The following OSBPL1A variants were observed in gnomAD, a reference collection of about 807,000 sequenced individuals.
OSBPL1A encodes oxysterol binding protein like 1A.
A neutral mutation model predicts 137.1 loss-of-function variants in OSBPL1A; 80 were observed. That is an observed-to-expected ratio of 0.58 (90% CI 0.49 to 0.70). OSBPL1A has a LOEUF of 0.70. Among genes scored for constraint, OSBPL1A ranks in the 30% least tolerant of loss-of-function variants. The pLI is 0.00. For missense variants in OSBPL1A, 970 were observed against 1,129.4 expected, an observed-to-expected ratio of 0.86 and a Z score of 2.02; for synonymous variants, 365 against 389.7, an observed-to-expected ratio of 0.94 and a Z score of 0.75.
intron 4 of OSBPL1A, among the ~76,000 whole-genome samples, chr18:24,351,347 C>CAAAAAAA (rs1172514692): frequency 0.011 from 410 of 35,726 alleles, 28 homozygotes; most frequent in African/African-American, 0.031. Flanking sequence ...GACTCTGTCT[C>CAAAAAAA]AAAAAAAAAA....
intron 4 of OSBPL1A, among the ~76,000 whole-genome samples, chr18:24,354,228 A>G (rs530095971): frequency 6.6e-6 from 1 of 152,268 alleles, no homozygotes; most frequent in South Asian, 2.1e-4. Flanking sequence ...CCCTTAAGCA[A>G]GGACACAGAA....
chr18:24,309,105 ATGTAAATAGCCACATG>A (rs1277548115), intron 13 of OSBPL1A, among the ~76,000 whole-genome samples: 2 of 152,188 alleles, frequency 1.3e-5, no homozygotes, highest in African/African-American at 2.4e-5. Flanking sequence ...ATTAATTTAA[ATGTAAATAGCCACATG>A]TGTAAATAGC....
intron 15 of OSBPL1A, among the ~76,000 whole-genome samples, chr18:24,261,190 A>G (rs1432497059): frequency 6.6e-6 from 1 of 152,202 alleles, no homozygotes; most frequent in Non-Finnish European, 1.5e-5. Context: ...TTACTATAAA[A>G]TTTTAGAAAA....
chr18:24,375,777 C>T (rs1260899335), intron 2 of OSBPL1A, among the ~76,000 whole-genome samples: 1 of 152,174 alleles, frequency 6.6e-6, no homozygotes, highest in East Asian at 1.9e-4. Context: ...ATCTCCAAGA[C>T]ACACAGTAAA....
intron 4 of OSBPL1A, among the ~76,000 whole-genome samples, chr18:24,360,733 T>C (rs906611772): frequency 2.0e-5 from 3 of 152,148 alleles, no homozygotes; most frequent in African/African-American, 4.8e-5. Context: ...AGGTACTCTG[T>C]TTTCTTCTCA....
chr18:24,315,593 A>AT (rs2090705690), intron 11 of OSBPL1A, among the ~76,000 whole-genome samples: 1 of 134,544 alleles, frequency 7.4e-6, no homozygotes, highest in African/African-American at 2.8e-5. Flanking sequence ...AATCATATTA[A>AT]TATTATTATA....
At chr18:24,369,996 C>T (rs368150207) in intron 2 of OSBPL1A, among the ~76,000 whole-genome samples, 5 of 152,240 alleles carry the variant, frequency 3.3e-5, no homozygotes, top group Admixed American at 6.5e-5. Context: ...CCAAGGATGG[C>T]GGACTGCTTG....
intron 13 of OSBPL1A, among the ~76,000 whole-genome samples, chr18:24,310,432 CAAAAAAA>C (rs3039412): frequency 1.0e-4 from 9 of 89,742 alleles, no homozygotes; most frequent in African/African-American, 2.6e-4. Context: ...ACTAAAAATA[CAAAAAAA>C]AAAAAAAAAA....
At chr18:24,361,126 C>T (rs1347447187) in intron 4 of OSBPL1A, among the ~76,000 whole-genome samples, 1 of 152,116 alleles carries the variant, frequency 6.6e-6, no homozygotes. Flanking sequence ...ACTTCCTGGG[C>T]TCAAGTGATC....
At chr18:24,257,014 G>C (rs1211434577) in intron 15 of OSBPL1A, among the ~76,000 whole-genome samples, 2 of 141,740 alleles carry the variant, frequency 1.4e-5, no homozygotes, top group Non-Finnish European at 3.0e-5. Context: ...CATGTTCATG[G>C]ACTGGGAAAA....
chr18:24,340,688 C>A (rs555279313), intron 5 of OSBPL1A, among the ~76,000 whole-genome samples: 3 of 152,092 alleles, frequency 2.0e-5, no homozygotes, highest in Non-Finnish European at 4.4e-5. Context: ...TGCCTGTAAT[C>A]CCAGTTACTT....
At chr18:24,280,701 A>G in intron 15 of OSBPL1A, 141 bp downstream of exon 15, 5 of 482,724 alleles carry the variant, frequency 1.0e-5, no homozygotes, top group Non-Finnish European at 1.4e-5. Context: ...TAAGTTCTAA[A>G]TTTTTGTGAC....
At chr18:24,293,536 C>T (rs901974849) in intron 14 of OSBPL1A, among the ~76,000 whole-genome samples, 1 of 152,162 alleles carries the variant, frequency 6.6e-6, no homozygotes, top group Admixed American at 6.5e-5. Context: ...AGCAAACCAG[C>T]GCAGGAGGCC....
intron 12 of OSBPL1A, among the ~76,000 whole-genome samples, chr18:24,312,921 C>T (rs2090646905): frequency 6.9e-6 from 1 of 145,388 alleles, no homozygotes; most frequent in Non-Finnish European, 1.5e-5. Flanking sequence ...GGATCATGTT[C>T]GAGACCAGCC....
intron 1 of OSBPL1A, among the ~76,000 whole-genome samples, chr18:24,389,219 G>C (rs1244678689): frequency 2.6e-5 from 4 of 152,038 alleles, no homozygotes; most frequent in African/African-American, 9.7e-5. Flanking sequence ...TCCAAGCTCT[G>C]TTTTTAGATT....
At chr18:24,264,011 T>A (rs994184628) in intron 15 of OSBPL1A, among the ~76,000 whole-genome samples, 1 of 152,170 alleles carries the variant, frequency 6.6e-6, no homozygotes, top group Non-Finnish European at 1.5e-5. Context: ...TCAGCATATG[T>A]GAATGCACCC....
intron 4 of OSBPL1A, among the ~76,000 whole-genome samples, chr18:24,348,074 A>C (rs2091376394): frequency 6.6e-6 from 1 of 152,176 alleles, no homozygotes; most frequent in Non-Finnish European, 1.5e-5. Flanking sequence ...GTTACCTGAA[A>C]GGGTAAGTTT....
chr18:24,377,284 C>T (rs1906252602), intron 2 of OSBPL1A, 129 bp downstream of exon 2: 2 of 1,148,390 alleles, frequency 1.7e-6, no homozygotes, highest in Non-Finnish European at 2.4e-6. Flanking sequence ...TTCCTCCAAT[C>T]TGTGGGGTTC....
rs190434090 is a variant in OSBPL1A, at chr18:24,384,446, T to C, written c.-2-6911A>G. On this transcript the variant is annotated intron_variant, in intron 1 of 27. Transcript: ENST00000319481. ...AAAATTAGCCACGGGTGGTGGCACATGCCTGTAGTCCCAGCGACTTGGGAG... is the reference window on the plus strand; with the variant it reads ...AAAATTAGCCACGGGTGGTGGCACACGCCTGTAGTCCCAGCGACTTGGGAG... Among the ~76,000 whole-genome samples the C allele has an allele frequency of 4.9e-3, 747 of 151,970 alleles. 3 individuals carry two copies. Among genetic ancestry groups the C allele is most frequent in the South Asian group, 0.025 (118 of 4,804 alleles).
Sources: gnomAD v4.1 joint callset for allele counts (sites outside exome capture counted in the v4.1 genomes callset) on GRCh38, gnomAD v4.1.1 for gene constraint, MANE v1.5 for transcripts, NCBI Gene and HGNC (gene_info 2026-07-23, HGNC 2026-07-21) for gene names.